The following NHSL2 variants were observed in gnomAD, a reference collection of about 807,000 sequenced individuals.
NHSL2 encodes NHS-like protein 2.
Under a neutral mutation model 53.4 loss-of-function variants are expected in NHSL2, and 27 were observed. The observed-to-expected ratio is 0.51, with a 90% CI of 0.37 to 0.70. The LOEUF is 0.70. Ranked by LOEUF, NHSL2 falls within the 30% of genes least tolerant of loss-of-function variation. NHSL2 has a pLI of 0.00. For missense variants in NHSL2, 892 were observed against 980.1 expected (o/e 0.91, Z 1.20); for synonymous variants, 408 against 404.1 (o/e 1.01, Z -0.12).
At chrX:72,013,141 A>T (rs976492099) in intron 1 of NHSL2, among the ~76,000 whole-genome samples, 2 of 112,287 alleles carry the variant, frequency 1.8e-5, no homozygotes, top group African/African-American at 6.5e-5. Context: ...TAACATCTTT[A>T]CTATGTTAAG....
At chrX:72,110,236 G>T (rs996323101) in intron 1 of NHSL2, among the ~76,000 whole-genome samples, 1 of 111,561 alleles carries the variant, frequency 9.0e-6, no homozygotes, top group African/African-American at 3.3e-5. Context: ...TCCACCTACT[G>T]CGACAGAACC....
intron 1 of NHSL2, chrX:72,127,920 C>T (rs1228507468): frequency 8.9e-6 from 1 of 112,852 alleles, no homozygotes; most frequent in Non-Finnish European, 1.9e-5. Context: ...ATAGCAAGAA[C>T]ACACTAGAAA....
At chrX:72,084,902 G>T (rs1364437238) in intron 1 of NHSL2, among the ~76,000 whole-genome samples, 2 of 111,897 alleles carry the variant, frequency 1.8e-5, no homozygotes, top group Non-Finnish European at 3.8e-5. Flanking sequence ...AGGCAAGGAG[G>T]TTACAGAGGC....
intron 1 of NHSL2, among the ~76,000 whole-genome samples, chrX:72,076,615 C>G (rs193160204): frequency 1.8e-5 from 2 of 111,762 alleles, no homozygotes; most frequent in African/African-American, 6.5e-5. Flanking sequence ...CTGGGAGAAA[C>G]CAGACAAGGC....
intron 1 of NHSL2, among the ~76,000 whole-genome samples, chrX:72,030,477 A>T (rs961767544): frequency 1.8e-5 from 2 of 111,326 alleles, no homozygotes; most frequent in Non-Finnish European, 3.8e-5. Flanking sequence ...TGTACATTTC[A>T]ATGAAGTTGT....
At chrX:71,998,692 G>A (rs2042060113) in intron 1 of NHSL2, among the ~76,000 whole-genome samples, 1 of 111,663 alleles carries the variant, frequency 9.0e-6, no homozygotes. Flanking sequence ...TTAAACGATG[G>A]TCAGTGGCCT....
chrX:72,012,845 A>G (rs1288861182), intron 1 of NHSL2, among the ~76,000 whole-genome samples: 1 of 111,830 alleles, frequency 8.9e-6, no homozygotes, highest in Non-Finnish European at 1.9e-5. Context: ...TCAGTGGGGC[A>G]TATTTGTGTG....
In NHSL2 at chrX:72,140,542, C is replaced by T; in HGVS notation, c.2994C>T (p.Gly998=). ...AGGAAGAAGCTGAGAAAAAGAAAGG[C>T]AAGATTCCACCTCCCGTACCAAAAA... is the stretch of plus-strand genomic sequence containing the variant. ...QSQEEAEKKK[G]KIPPPVPKKP... Residue 998 remains glycine (G), a synonymous_variant, in exon 6 of 8, where the codon GGC becomes GGT. Coordinates refer to ENST00000633930, the MANE Select transcript of NHSL2 (RefSeq NM_001013627.3). 5.8e-6 allele frequency: 7 copies of T among 1,211,123 alleles called. No homozygotes were observed. The highest frequency in any genetic ancestry group is 7.8e-6 in the Non-Finnish European group (7 of 895,072).
intron 1 of NHSL2, among the ~76,000 whole-genome samples, chrX:71,981,913 G>A (rs936267061): frequency 2.7e-5 from 3 of 111,975 alleles, no homozygotes; most frequent in Non-Finnish European, 3.8e-5. Context: ...CAGTACAGCA[G>A]TTACACAAAA....
intron 1 of NHSL2, among the ~76,000 whole-genome samples, chrX:71,941,314 G>C (rs1157006885): frequency 8.9e-6 from 1 of 111,789 alleles, no homozygotes; most frequent in Non-Finnish European, 1.9e-5. Context: ...TTGACTGATA[G>C]GTCAGGTCAC....
Position 72,140,628 on chromosome X carries a change from C to G in NHSL2, c.3080C>G (p.Ala1027Gly). 8.3e-7 allele frequency: 1 copy of G among 1,212,048 alleles called. No individual in the cohort carries two copies. ...ACAGCTCAAATGGAGGCCTATGTGGCAGAACCAAGGCTGCCTCTCAGCCCC... is the reference window on the plus strand; with the variant it reads ...ACAGCTCAAATGGAGGCCTATGTGGGAGAACCAAGGCTGCCTCTCAGCCCC... Reference protein sequence around the residue: ...SPTAQMEAYVAEPRLPLSPII... With the variant: ...SPTAQMEAYVGEPRLPLSPII... The change falls in exon 6 of 8, where the codon GCA (alanine) becomes GGA (glycine). Residue 1027 changes from alanine (A) to glycine (G), a missense_variant. Transcript: ENST00000633930.
intron 1 of NHSL2, among the ~76,000 whole-genome samples, chrX:71,985,993 C>T (rs929006863): frequency 2.5e-4 from 28 of 111,811 alleles, no homozygotes; most frequent in Non-Finnish European, 4.9e-4. Context: ...GTTACCTCTA[C>T]GGCACACAAT....
At chrX:71,982,264 C>G (rs2041982808) in intron 1 of NHSL2, among the ~76,000 whole-genome samples, 1 of 112,237 alleles carries the variant, frequency 8.9e-6, no homozygotes, top group African/African-American at 3.2e-5. Flanking sequence ...ATAAAATGCC[C>G]AGATTAGGCA....
intron 1 of NHSL2, among the ~76,000 whole-genome samples, chrX:72,033,344 G>A (rs1352452426): frequency 3.6e-5 from 4 of 110,697 alleles, no homozygotes; most frequent in African/African-American, 9.9e-5. Flanking sequence ...ACGCCACCAC[G>A]CCCAGCTAAT....
At chrX:71,990,975 C>A (rs1306838103) in intron 1 of NHSL2, among the ~76,000 whole-genome samples, 1 of 112,332 alleles carries the variant, frequency 8.9e-6, no homozygotes, top group African/African-American at 3.2e-5. Context: ...GGAGTCAGGA[C>A]CTGTTTGCTG....
intron 1 of NHSL2, among the ~76,000 whole-genome samples, chrX:72,123,324 G>A (rs780801808): frequency 2.8e-4 from 31 of 112,263 alleles, no homozygotes; most frequent in Non-Finnish European, 4.7e-4. Flanking sequence ...TGAGCAGATA[G>A]GGAAGAAAAT....
chrX:72,080,062 A>G (rs1487630510), intron 1 of NHSL2: 1 of 112,182 alleles, frequency 8.9e-6, no homozygotes, highest in Non-Finnish European at 1.9e-5. Context: ...GATCGATGGG[A>G]CCAAGGTGCT....
chrX:72,132,588 T>C (rs1476190725), intron 2 of NHSL2, among the ~76,000 whole-genome samples: 2 of 109,551 alleles, frequency 1.8e-5, no homozygotes, highest in African/African-American at 6.7e-5. Context: ...ACATCGCCCA[T>C]GCCTTTGGGA....
intron 1 of NHSL2, among the ~76,000 whole-genome samples, chrX:72,052,589 T>C (rs2042347097): frequency 9.0e-6 from 1 of 111,719 alleles, no homozygotes; most frequent in Admixed American, 9.4e-5. Flanking sequence ...CCTGGCTACA[T>C]TGCAGTCCTC....
Sources: gnomAD v4.1 joint callset for allele counts (sites outside exome capture counted in the v4.1 genomes callset) on GRCh38, gnomAD v4.1.1 for gene constraint, MANE v1.5 for transcripts, NCBI Gene and HGNC (gene_info 2026-07-23, HGNC 2026-07-21) for gene names.